Variants in PRKG1 observed in about 807,000 individuals in gnomAD.
PRKG1 encodes protein kinase cGMP-dependent 1.
In PRKG1, 35 loss-of-function variants were observed where a neutral mutation model predicts 88.1. That is an observed-to-expected ratio of 0.40 (90% CI 0.30 to 0.53). The LOEUF is 0.53. PRKG1 is among the 20% of genes least tolerant of loss of function. The probability of loss-of-function intolerance (pLI) is 0.59; values close to 1 mark genes in which losing one functional copy is unlikely to be tolerated. For missense variants in PRKG1, 540 were observed against 839.8 expected, an observed-to-expected ratio of 0.64 and a Z score of 4.41; for synonymous variants, 303 against 292.5, an observed-to-expected ratio of 1.04 and a Z score of -0.37.
chr10:51,009,289 G>C (rs1336049177), intron 1 of PRKG1, among the ~76,000 whole-genome samples: 1 of 152,134 alleles, frequency 6.6e-6, no homozygotes, highest in Admixed American at 6.6e-5. Flanking sequence ...AACTAATTTA[G>C]AAAAGCTTTA....
intron 3 of PRKG1, among the ~76,000 whole-genome samples, chr10:51,633,338 C>T (rs3829170): frequency 0.79 from 120,052 of 152,032 alleles, 48,615 homozygotes; most frequent in South Asian, 0.9. Flanking sequence ...AGACTTACTC[C>T]TTTTAAACAA....
intron 2 of PRKG1, among the ~76,000 whole-genome samples, chr10:51,414,777 A>G (rs1361826396): frequency 6.6e-6 from 1 of 152,178 alleles, no homozygotes; most frequent in Non-Finnish European, 1.5e-5. Context: ...TTTTTAAAAA[A>G]CAATATTATG....
chr10:51,004,755 A>C (rs1842924154), intron 1 of PRKG1, among the ~76,000 whole-genome samples: 2 of 152,152 alleles, frequency 1.3e-5, no homozygotes, highest in Non-Finnish European at 1.5e-5. Context: ...AGCTGAAAAA[A>C]AAAATTAATT....
chr10:51,238,638 G>A (rs534358381), intron 2 of PRKG1, among the ~76,000 whole-genome samples: 34 of 151,522 alleles, frequency 2.2e-4, no homozygotes, highest in African/African-American at 5.3e-4. Flanking sequence ...TGGTGCGCCC[G>A]TAATCTCAGC....
chr10:51,686,492 G>A (rs1184963087), intron 3 of PRKG1, among the ~76,000 whole-genome samples: 2 of 152,166 alleles, frequency 1.3e-5, no homozygotes, highest in African/African-American at 4.8e-5. Flanking sequence ...TAGCTTGCTT[G>A]TGTCAGTACA....
At chr10:52,202,192 G>A (rs1839693858) in intron 9 of PRKG1, among the ~76,000 whole-genome samples, 1 of 151,952 alleles carries the variant, frequency 6.6e-6, no homozygotes, top group Non-Finnish European at 1.5e-5. Flanking sequence ...GTCATAGGTG[G>A]CTTTTATTAT....
chr10:51,299,842 A>AT (rs1205985198), intron 2 of PRKG1, among the ~76,000 whole-genome samples: 1 of 152,170 alleles, frequency 6.6e-6, no homozygotes. Context: ...TCAGGATTGA[A>AT]TTTTGTGGAA....
At chr10:51,948,338 A>AC (rs1359123348) in intron 5 of PRKG1, among the ~76,000 whole-genome samples, 1 of 152,166 alleles carries the variant, frequency 6.6e-6, no homozygotes, top group Non-Finnish European at 1.5e-5. Context: ...ATTTTTGCCC[A>AC]CTTCCTAAGT....
At chr10:51,664,923 T>C (rs1238719631) in intron 3 of PRKG1, among the ~76,000 whole-genome samples, 1 of 152,148 alleles carries the variant, frequency 6.6e-6, no homozygotes, top group Non-Finnish European at 1.5e-5. Context: ...TCATTATTGT[T>C]ATAAGAGTAT....
At chr10:52,133,400 A>G (rs971378920) in intron 7 of PRKG1, among the ~76,000 whole-genome samples, 2 of 152,140 alleles carry the variant, frequency 1.3e-5, no homozygotes, top group African/African-American at 4.8e-5. Flanking sequence ...GTAAGGAAAT[A>G]ATTTAAACAG....
chr10:52,201,154 C>G (rs745812707), intron 9 of PRKG1, among the ~76,000 whole-genome samples: 2 of 152,056 alleles, frequency 1.3e-5, no homozygotes, highest in Non-Finnish European at 2.9e-5. Flanking sequence ...ATGGTATTTC[C>G]TAGGTTATCT....
intron 5 of PRKG1, among the ~76,000 whole-genome samples, chr10:51,936,505 T>C (rs118035374): frequency 1.3e-3 from 195 of 152,154 alleles, no homozygotes; most frequent in Admixed American, 2.8e-3. Flanking sequence ...ACTGGATTTG[T>C]ACCTAGAGGT....
chr10:51,210,651 GAA>G (rs1344579787), intron 2 of PRKG1, among the ~76,000 whole-genome samples: 1 of 152,166 alleles, frequency 6.6e-6, no homozygotes, highest in Non-Finnish European at 1.5e-5. Context: ...TGATCCCATA[GAA>G]ATACAAACTA....
chr10:51,302,933 A>G (rs1438959464), intron 2 of PRKG1: 1 of 152,190 alleles, frequency 6.6e-6, no homozygotes, highest in East Asian at 1.9e-4. Context: ...ACCCAAGGTC[A>G]CACAGCCTGT....
At chr10:51,797,526 TTTG>T (rs1402350356) in intron 3 of PRKG1, among the ~76,000 whole-genome samples, 3 of 146,774 alleles carry the variant, frequency 2.0e-5, no homozygotes, top group Non-Finnish European at 3.0e-5. Flanking sequence ...TATAGATAAA[TTTG>T]TTGTATGTAT....
At chr10:51,410,733 G>A (rs545745561) in intron 2 of PRKG1, among the ~76,000 whole-genome samples, 1 of 151,750 alleles carries the variant, frequency 6.6e-6, no homozygotes, top group African/African-American at 2.4e-5. Context: ...GGAAATTAAG[G>A]TTTTGGATTT....
intron 8 of PRKG1, among the ~76,000 whole-genome samples, chr10:52,136,453 GA>G (rs1837425226): frequency 6.6e-6 from 1 of 151,998 alleles, no homozygotes; most frequent in African/African-American, 2.4e-5. Context: ...GAAATCTAGT[GA>G]GGGGAGGAAT....
At chr10:51,156,135 C>A (rs1432548840) in intron 2 of PRKG1, among the ~76,000 whole-genome samples, 2 of 151,918 alleles carry the variant, frequency 1.3e-5, no homozygotes, top group Non-Finnish European at 2.9e-5. Flanking sequence ...AAAGAAGACA[C>A]AAAGTTCTTG....
intron 2 of PRKG1, among the ~76,000 whole-genome samples, chr10:51,156,912 G>T (rs1846229407): frequency 6.6e-6 from 1 of 151,836 alleles, no homozygotes; most frequent in African/African-American, 2.4e-5. Context: ...GGCAGTAAAG[G>T]ATCTTCCACA....
Sources: allele counts gnomAD v4.1 joint callset (sites outside exome capture counted in the v4.1 genomes callset), GRCh38; gene constraint gnomAD v4.1.1; transcripts MANE v1.5; gene names NCBI Gene and HGNC (gene_info 2026-07-23, HGNC 2026-07-21).